The following CCDC93 variants were observed in gnomAD, a reference collection of about 807,000 sequenced individuals.
CCDC93 encodes the protein CCC complex scaffolding subunit CCDC93.
Under a neutral mutation model 108.2 loss-of-function variants are expected in CCDC93, and 61 were observed. The observed-to-expected ratio is 0.56, with a 90% confidence interval of 0.46 to 0.70. CCDC93 has a LOEUF of 0.70. Among genes scored for constraint, CCDC93 ranks in the 30% least tolerant of loss-of-function variants. The pLI is 0.00. For missense variants in CCDC93, 685 were observed against 764.2 expected, an observed-to-expected ratio of 0.90 and a Z score of 1.22; for synonymous variants, 276 against 260.4, an observed-to-expected ratio of 1.06 and a Z score of -0.58.
At chr2:117,923,646 G>C (rs1159214964) in intron 23 of CCDC93, among the ~76,000 whole-genome samples, 1 of 144,590 alleles carries the variant, frequency 6.9e-6, no homozygotes, top group Non-Finnish European at 1.5e-5. Flanking sequence ...GCTCACCGCA[G>C]CACAAGGAGG....
chr2:118,011,456 C>T (rs1216635428), intron 1 of CCDC93, among the ~76,000 whole-genome samples: 1 of 152,102 alleles, frequency 6.6e-6, no homozygotes, highest in Non-Finnish European at 1.5e-5. Flanking sequence ...ATAATTCACA[C>T]CTTCTCTCCC....
intron 23 of CCDC93, among the ~76,000 whole-genome samples, chr2:117,924,472 C>T (rs1320195085): frequency 6.6e-6 from 1 of 152,144 alleles, no homozygotes; most frequent in Non-Finnish European, 1.5e-5. Flanking sequence ...ATGAGAACTA[C>T]ATGATGAATG....
chr2:117,985,465 TG>T, intron 7 of CCDC93: 2 of 967,670 alleles, frequency 2.1e-6, no homozygotes, highest in Non-Finnish European at 2.5e-6. Flanking sequence ...AAAAATTCAA[TG>T]GGGAGAAGCA....
At chr2:117,974,801 C>A (rs1284548116) in intron 10 of CCDC93, 49 bp downstream of exon 10, 2 of 1,414,352 alleles carry the variant, frequency 1.4e-6, no homozygotes, top group East Asian at 4.9e-5. Context: ...CCCAGCAGAG[C>A]AGGGTGGTGC....
At chr2:117,949,846 G>A (rs1678997754) in intron 13 of CCDC93, 1 of 985,232 alleles carries the variant, frequency 1.0e-6, no homozygotes, top group South Asian at 4.7e-5. Context: ...TAACCTCACA[G>A]GCCAAAAAGG....
chr2:117,973,072 G>T (rs1201471170), intron 11 of CCDC93, among the ~76,000 whole-genome samples: 1 of 152,168 alleles, frequency 6.6e-6, no homozygotes, highest in East Asian at 1.9e-4. Flanking sequence ...TTTCCCAAAA[G>T]TCTTGGGGGT....
chr2:117,935,665 T>C, intron 21 of CCDC93, 86 bp from the exon 22 acceptor site: 1 of 1,007,372 alleles, frequency 9.9e-7, no homozygotes, highest in Non-Finnish European at 1.5e-6. Context: ...TGTATCCAGA[T>C]TATGACTCTT....
intron 1 of CCDC93, among the ~76,000 whole-genome samples, chr2:118,009,716 C>T (rs1260559164): frequency 1.3e-5 from 2 of 152,092 alleles, no homozygotes; most frequent in Non-Finnish European, 2.9e-5. Flanking sequence ...CCAGAAGTTA[C>T]TGACAACAGG....
At chr2:117,983,444 G>T (rs977215319) in intron 7 of CCDC93, among the ~76,000 whole-genome samples, 3 of 152,114 alleles carry the variant, frequency 2.0e-5, no homozygotes, top group Non-Finnish European at 4.4e-5. Context: ...CCAAGGGGAA[G>T]CTTCCCCTCT....
chr2:117,942,610 G>A (rs1390547785), intron 18 of CCDC93, among the ~76,000 whole-genome samples: 1 of 152,204 alleles, frequency 6.6e-6, no homozygotes, highest in African/African-American at 2.4e-5. Flanking sequence ...CAAGCCTCAT[G>A]CACTTGTTTT....
intron 4 of CCDC93, 59 bp from the exon 5 acceptor site, chr2:117,996,421 G>T: frequency 8.4e-7 from 1 of 1,194,440 alleles, no homozygotes; most frequent in Non-Finnish European, 1.2e-6. Context: ...TGAAGTGAAG[G>T]CCAGTTCAGA....
At chr2:117,961,707 G>A (rs1415014989) in intron 11 of CCDC93, among the ~76,000 whole-genome samples, 4 of 152,188 alleles carry the variant, frequency 2.6e-5, no homozygotes, top group Non-Finnish European at 2.9e-5. Flanking sequence ...CGATGAGAAA[G>A]AAAACTAGAT....
At chr2:117,951,349 A>T in intron 13 of CCDC93, 1 of 985,334 alleles carries the variant, frequency 1.0e-6, no homozygotes, top group Non-Finnish European at 1.2e-6. Flanking sequence ...ATGAGAAAAA[A>T]ATTATTCTAA....
rs149812101 is a variant in CCDC93 at position 117,958,465 on chromosome 2, G to A, written c.905C>T (p.Ala302Val). The change falls in exon 12 of 24, where the codon GCT becomes GTT. Residue 302 changes from alanine to valine, a missense_variant. Physicochemically the swap from Ala to Val is moderately conservative, Grantham distance 64 (BLOSUM62 0). Transcript: ENST00000376300. The part of the protein sequence containing the change: ...EYAEKQSELS[A>V]EESPEKLGTS... The stretch of plus-strand genomic sequence containing the variant: ...TCCTAATTTTTCTGGACTTTCTTCA[G>A]CTGATAGCTCAGACTGCTGTGGAAA... The A allele has an allele frequency of 2.5e-6, 4 of 1,606,092 alleles. No individual in the cohort carries two copies. In the African/African-American group the frequency reaches 5.4e-5, roughly 21 times the overall value.
At chr2:117,949,674 T>C (rs1455252444) in intron 13 of CCDC93, 2 of 804,830 alleles carry the variant, frequency 2.5e-6, no homozygotes, top group South Asian at 1.1e-4. Context: ...TTGAATTTTG[T>C]ACGATGTGAA....
At chr2:118,008,962 C>T (rs1676952269) in intron 1 of CCDC93, 1 of 241,930 alleles carries the variant, frequency 4.1e-6, no homozygotes, top group South Asian at 1.0e-4. Flanking sequence ...AAGGTTAGAG[C>T]ACAATACTTC....
intron 23 of CCDC93, among the ~76,000 whole-genome samples, chr2:117,924,260 T>C (rs1315663351): frequency 6.6e-6 from 1 of 151,966 alleles, no homozygotes; most frequent in Non-Finnish European, 1.5e-5. Flanking sequence ...TCACCAGCAA[T>C]GGAACAAAGC....
intron 20 of CCDC93, 147 bp downstream of exon 20, chr2:117,938,882 C>T: frequency 1.9e-6 from 1 of 513,858 alleles, no homozygotes; most frequent in Non-Finnish European, 3.5e-6. Context: ...CACTTTCTGA[C>T]TGGGTATGCC....
At chr2:117,958,237 T>G in intron 12 of CCDC93, 128 bp downstream of exon 12, 2 of 641,474 alleles carry the variant, frequency 3.1e-6, no homozygotes, top group Non-Finnish European at 5.6e-6. Flanking sequence ...TAATAAAACT[T>G]AATTTACAAA....
Sources: allele counts gnomAD v4.1 joint callset (sites outside exome capture counted in the v4.1 genomes callset), GRCh38; gene constraint gnomAD v4.1.1; transcripts MANE v1.5; gene names NCBI Gene and HGNC (gene_info 2026-07-23, HGNC 2026-07-21).